The following PIK3R6 variants were observed in gnomAD, a reference collection of about 807,000 sequenced individuals.
The protein encoded by PIK3R6 is phosphoinositide 3-kinase regulatory subunit 6.
PIK3R6 carries 91 observed loss-of-function variants against 84.9 expected under a neutral mutation model. That is an observed-to-expected ratio of 1.07 (90% CI 0.90 to 1.28). PIK3R6 has a LOEUF of 1.28. PIK3R6 is among the 50% of genes most tolerant of loss of function. The probability of loss-of-function intolerance (pLI) is 0.00; values close to 1 mark genes in which losing one functional copy is unlikely to be tolerated. For missense variants in PIK3R6, 996 were observed against 985.1 expected, an observed-to-expected ratio of 1.01 and a Z score of -0.15; for synonymous variants, 416 against 411.4, an observed-to-expected ratio of 1.01 and a Z score of -0.13.
chr17:8,828,662 C>T lies in PIK3R6; in HGVS notation c.1218G>A (p.Met406Ile), dbSNP rs370491416. The change falls in exon 11 of 20, where the codon ATG becomes ATA. Residue 406 changes from methionine to isoleucine, a missense_variant. Physicochemically the swap from Met to Ile is conservative, Grantham distance 10. Coordinates refer to ENST00000619866, the MANE Select transcript of PIK3R6 (RefSeq NM_001010855.4). ...RTGRPSGDGE[M>I]LPGVSRLHTA... ...TGTGCAGCCGGGACACGCCGGGCAG[C>T]ATTTCCCCATCCCCACTGGGCCGGC... is the stretch of plus-strand genomic sequence containing the variant. The T allele has an allele frequency of 6.2e-6, 10 of 1,612,864 alleles. No homozygotes were observed. Among genetic ancestry groups the T allele is most frequent in the Non-Finnish European group, 8.5e-6 (10 of 1,179,572 alleles).
At chr17:8,845,517 T>C (rs1485233955) in intron 2 of PIK3R6, among the ~76,000 whole-genome samples, 1 of 152,234 alleles carries the variant, frequency 6.6e-6, no homozygotes, top group Non-Finnish European at 1.5e-5. Context: ...ATTTGTTTTT[T>C]GCTTAATCAG....
At position 8,810,184 on chromosome 17, in the gene PIK3R6, C is replaced by T. The variant is rs377737379; in HGVS notation, c.1996-6031G>A. The stretch of plus-strand genomic sequence containing the variant: ...AAAGGAGGAGCAAAGTCACGTCTAA[C>T]ATGGATGGCAGCAGGCAAAAAGAGA... On this transcript the variant is annotated intron_variant, in intron 18 of 19. Coordinates refer to ENST00000619866, the MANE Select transcript of PIK3R6 (RefSeq NM_001010855.4). 2.0e-5 allele frequency among the ~76,000 whole-genome samples: 3 copies of T among 147,982 alleles called. 1 individual carries two copies. The highest frequency in any genetic ancestry group is 4.4e-5 in the Non-Finnish European group (3 of 67,902).
intron 8 of PIK3R6, among the ~76,000 whole-genome samples, chr17:8,834,492 A>C (rs2151261428): frequency 6.6e-6 from 1 of 151,720 alleles, no homozygotes; most frequent in South Asian, 2.1e-4. Context: ...ACTTGGCTCA[A>C]GTGATCCTCT....
chr17:8,813,099 G>A (rs1477226734), intron 18 of PIK3R6, among the ~76,000 whole-genome samples: 2 of 152,096 alleles, frequency 1.3e-5, no homozygotes, highest in Non-Finnish European at 2.9e-5. Flanking sequence ...AAGATCATCA[G>A]AGACCTATAA....
At position 8,814,215 on chromosome 17, in the gene PIK3R6, C is replaced by CTTTTT. The variant is rs112750429; in HGVS notation, c.1995+4863_1995+4867dup. Among the ~76,000 whole-genome samples the CTTTTT allele has an allele frequency of 4.0e-3, 345 of 85,516 alleles. 42 individuals carry two copies. In the East Asian group the frequency reaches 0.046, roughly 12 times the overall value. 56.1% of individuals were successfully genotyped at this position (85,516 alleles called of 152,430 possible). A position where few individuals can be genotyped will look rare whatever the true frequency, so the allele number is the denominator to read the frequency against. On this transcript the variant is annotated intron_variant, in intron 18 of 19. Coordinates refer to ENST00000619866, the MANE Select transcript of PIK3R6 (RefSeq NM_001010855.4). ...TCCACTCTTTAGTTCAGAGAGAGAT[C>CTTTTT]TTTTTTTTTTTTTTTTTTTTTTGAG... is the stretch of plus-strand genomic sequence containing the variant.
At chr17:8,863,801 G>A (rs956281397) in intron 1 of PIK3R6, among the ~76,000 whole-genome samples, 2 of 152,030 alleles carry the variant, frequency 1.3e-5, no homozygotes, top group Non-Finnish European at 2.9e-5. Context: ...CCAAAGTGCT[G>A]GGGATTACAG....
intron 12 of PIK3R6, 70 bp downstream of exon 12, chr17:8,828,042 G>T (rs1050086455): frequency 6.8e-7 from 1 of 1,474,814 alleles, no homozygotes; most frequent in African/African-American, 1.4e-5. Context: ...GGGGATGCGG[G>T]GCTGCAGGTG....
intron 1 of PIK3R6, among the ~76,000 whole-genome samples, chr17:8,853,484 C>CAAA (rs56939877): frequency 4.6e-4 from 48 of 103,520 alleles, no homozygotes; most frequent in African/African-American, 8.6e-4. Flanking sequence ...GACTCCATCT[C>CAAA]AAAAAAAAAA....
chr17:8,854,169 G>T (rs1236637512), intron 1 of PIK3R6, among the ~76,000 whole-genome samples: 1 of 149,030 alleles, frequency 6.7e-6, no homozygotes. Flanking sequence ...ATTTTTTTTT[G>T]AAACGGAGTC....
chr17:8,817,869 A>G (rs1033160871), intron 18 of PIK3R6, among the ~76,000 whole-genome samples: 1 of 151,024 alleles, frequency 6.6e-6, no homozygotes, highest in Non-Finnish European at 1.5e-5. Context: ...AAAGAGATGC[A>G]GTGGGTAGCT....
At position 8,835,363 on chromosome 17, in the gene PIK3R6, T is replaced by C. The variant is rs1038336296; in HGVS notation, c.555A>G (p.Pro185=). ...EIEAAQAQQT[P]ETCMRHVVSH... Reference sequence around the variant, plus strand: ...AGACCACGTGGCGCATGCAGGTCTCTGGTGTCTGCTGCGCCTGGGCCGCCT... The same window carrying C: ...AGACCACGTGGCGCATGCAGGTCTCCGGTGTCTGCTGCGCCTGGGCCGCCT... Residue 185 remains proline (P), a synonymous_variant, in exon 8 of 20, where the codon CCA becomes CCG. Transcript: ENST00000619866. 9.9e-6 allele frequency: 16 copies of C among 1,611,876 alleles called. No individual in the cohort carries two copies. The highest frequency in any genetic ancestry group is 1.4e-5 in the Non-Finnish European group (16 of 1,178,660).
At chr17:8,848,105 G>A (rs548846686) in intron 2 of PIK3R6, among the ~76,000 whole-genome samples, 80 of 152,258 alleles carry the variant, frequency 5.3e-4, no homozygotes, top group Non-Finnish European at 1.1e-3. Context: ...AGGGAAGGAC[G>A]CCTGGTGTGC....
chr17:8,835,517 C>A, intron 7 of PIK3R6, 61 bp from the exon 8 acceptor site: 3 of 1,391,102 alleles, frequency 2.2e-6, no homozygotes, highest in Non-Finnish European at 2.9e-6. Flanking sequence ...GAGGGGCCAC[C>A]GGATGGGCAC....
chr17:8,815,946 C>T (rs914379535), intron 18 of PIK3R6, among the ~76,000 whole-genome samples: 17 of 152,212 alleles, frequency 1.1e-4, no homozygotes, highest in African/African-American at 3.4e-4. Context: ...TCAGCCAAAA[C>T]TGGACTCAAA....
At chr17:8,817,175 C>T (rs925577485) in intron 18 of PIK3R6, among the ~76,000 whole-genome samples, 4 of 151,978 alleles carry the variant, frequency 2.6e-5, no homozygotes, top group Admixed American at 2.0e-4. Context: ...AGGTATAGAC[C>T]AGTATGTAGT....
chr17:8,855,505 T>A (rs918701916), intron 1 of PIK3R6, among the ~76,000 whole-genome samples: 1 of 152,100 alleles, frequency 6.6e-6, no homozygotes, highest in African/African-American at 2.4e-5. Flanking sequence ...ATGAAAACCA[T>A]GAGATCTCAC....
intron 18 of PIK3R6, among the ~76,000 whole-genome samples, chr17:8,813,681 G>A (rs1004012224): frequency 6.6e-6 from 1 of 152,078 alleles, no homozygotes; most frequent in African/African-American, 2.4e-5. Flanking sequence ...AATAAATTCA[G>A]AAAAAGCATT....
chr17:8,862,582 C>T lies in PIK3R6; in HGVS notation c.-92+4947G>A, dbSNP rs913339516. Among the ~76,000 whole-genome samples, 5 of 152,118 alleles carry T rather than the reference C, an allele frequency of 3.3e-5. No individual in the cohort carries two copies. The highest frequency in any genetic ancestry group is 9.7e-5 in the African/African-American group (4 of 41,404). ...TCACCTGGGGGTGGCTGATCTTTCT[C>T]GGGCCGTATCACGGACAGCTAAGGC... On this transcript the variant is annotated intron_variant, in intron 1 of 19. Coordinates refer to ENST00000619866, the MANE Select transcript of PIK3R6 (RefSeq NM_001010855.4). This position sits in a 1 kb window ranked among gnomAD's most constrained non-coding sequence, Gnocchi z 4.3.
At chr17:8,858,172 T>C in intron 1 of PIK3R6, among the ~76,000 whole-genome samples, 1 of 152,138 alleles carries the variant, frequency 6.6e-6, no homozygotes. Flanking sequence ...AGACAGGAAA[T>C]GGAAATAGAA....
Sources: gnomAD v4.1 joint callset for allele counts (sites outside exome capture counted in the v4.1 genomes callset) on GRCh38, gnomAD v4.1.1 for gene constraint, Gnocchi (gnomAD v3.1) non-coding constraint, MANE v1.5 for transcripts, NCBI Gene and HGNC (gene_info 2026-07-23, HGNC 2026-07-21) for gene names.